Variants in LRMDA observed in about 807,000 individuals in gnomAD.
The protein encoded by LRMDA is leucine-rich melanocyte differentiation-associated protein.
Under a neutral mutation model 29.8 loss-of-function variants are expected in LRMDA, and 18 were observed. The observed-to-expected ratio is 0.60, with a 90% CI of 0.42 to 0.90. LRMDA has a LOEUF of 0.90. LRMDA is among the 40% of genes least tolerant of loss of function. The pLI is 0.00. For synonymous variants in LRMDA, 125 were observed against 109.4 expected, an observed-to-expected ratio of 1.14 and a Z score of -0.89; for missense variants, 273 against 273.9, an observed-to-expected ratio of 1.00 and a Z score of 0.02.
At chr10:76,045,324 T>C (rs1416372024) in intron 3 of LRMDA, among the ~76,000 whole-genome samples, 1 of 150,198 alleles carries the variant, frequency 6.7e-6, no homozygotes, top group African/African-American at 2.5e-5. Context: ...CTCTTGCTAG[T>C]TTCCCCCTCT....
chr10:75,618,382 C>CTCTATATA (rs1338091170), intron 2 of LRMDA, among the ~76,000 whole-genome samples: 21 of 77,036 alleles, frequency 2.7e-4, no homozygotes, highest in African/African-American at 7.1e-4. Flanking sequence ...CTCTCTCTCT[C>CTCTATATA]TATATATATA....
chr10:75,530,003 G>A (rs1845458498), intron 2 of LRMDA, among the ~76,000 whole-genome samples: 1 of 151,638 alleles, frequency 6.6e-6, no homozygotes, highest in South Asian at 2.1e-4. Flanking sequence ...GAGAAATGAG[G>A]GGGAAAGAAA....
At chr10:75,608,656 G>A (rs1376566814) in intron 2 of LRMDA, among the ~76,000 whole-genome samples, 2 of 151,932 alleles carry the variant, frequency 1.3e-5, no homozygotes, top group African/African-American at 2.4e-5. Context: ...GCCATACAAG[G>A]CCACAAGTTT....
At chr10:75,473,237 G>A (rs948043491) in intron 2 of LRMDA, among the ~76,000 whole-genome samples, 5 of 152,238 alleles carry the variant, frequency 3.3e-5, no homozygotes, top group Non-Finnish European at 7.3e-5. Context: ...ATACCAAAGT[G>A]GGGGGAAACC....
At chr10:76,301,484 T>A (rs1251874694) in intron 5 of LRMDA, among the ~76,000 whole-genome samples, 1 of 152,198 alleles carries the variant, frequency 6.6e-6, no homozygotes, top group East Asian at 1.9e-4. Flanking sequence ...TGCCCTTGGA[T>A]TGAGGCTAAA....
chr10:75,445,135 G>A (rs929252248), intron 2 of LRMDA, among the ~76,000 whole-genome samples: 24 of 152,192 alleles, frequency 1.6e-4, no homozygotes, highest in African/African-American at 5.8e-4. Flanking sequence ...GTAGAGGTGG[G>A]ATCTCCCTAT....
intron 2 of LRMDA, among the ~76,000 whole-genome samples, chr10:75,959,357 G>A (rs768797490): frequency 9.2e-5 from 14 of 152,124 alleles, no homozygotes; most frequent in African/African-American, 1.4e-4. Flanking sequence ...AGAAGCTAGG[G>A]ATGAATGTGT....
intron 2 of LRMDA, among the ~76,000 whole-genome samples, chr10:75,825,945 T>G (rs1256631418): frequency 6.6e-6 from 1 of 152,176 alleles, no homozygotes; most frequent in Non-Finnish European, 1.5e-5. Context: ...AACGTCAAAG[T>G]CAAGACAAAT....
intron 5 of LRMDA, among the ~76,000 whole-genome samples, chr10:76,176,808 A>G (rs1454855795): frequency 1.3e-5 from 2 of 152,234 alleles, no homozygotes; most frequent in African/African-American, 4.8e-5. Context: ...GAGAAAAATT[A>G]TAAATTGCCA....
At chr10:75,547,193 A>G (rs771523898) in intron 2 of LRMDA, among the ~76,000 whole-genome samples, 2 of 152,190 alleles carry the variant, frequency 1.3e-5, no homozygotes, top group Non-Finnish European at 2.9e-5. Flanking sequence ...GATTCTATTT[A>G]TTCATCAGTG....
At chr10:76,187,525 T>C (rs1217339605) in intron 5 of LRMDA, among the ~76,000 whole-genome samples, 1 of 152,204 alleles carries the variant, frequency 6.6e-6, no homozygotes, top group Non-Finnish European at 1.5e-5. Flanking sequence ...CAACCTATAA[T>C]CATTTTGAGC....
intron 2 of LRMDA, among the ~76,000 whole-genome samples, chr10:75,857,332 T>C (rs1175393575): frequency 7.9e-5 from 12 of 152,170 alleles, no homozygotes; most frequent in Non-Finnish European, 1.8e-4. Context: ...TGCAGGCAGT[T>C]CAGTCAGCAT....
chr10:76,476,464 CAG>C (rs1842672835), intron 6 of LRMDA, among the ~76,000 whole-genome samples: 1 of 152,130 alleles, frequency 6.6e-6, no homozygotes, highest in South Asian at 2.1e-4. Context: ...CGAATTCTAC[CAG>C]AGTTACAAGG....
intron 5 of LRMDA, among the ~76,000 whole-genome samples, chr10:76,316,711 C>G (rs1444070448): frequency 6.6e-6 from 1 of 152,194 alleles, no homozygotes; most frequent in Non-Finnish European, 1.5e-5. Flanking sequence ...ACCCACATTA[C>G]TTGGAGGTTA....
chr10:75,643,981 G>A (rs1589144277), intron 2 of LRMDA, among the ~76,000 whole-genome samples: 1 of 152,262 alleles, frequency 6.6e-6, no homozygotes, highest in East Asian at 1.9e-4. Flanking sequence ...ATAATTAGGT[G>A]GCATGTGAAT....
At chr10:75,994,674 G>A (rs993116158) in intron 2 of LRMDA, among the ~76,000 whole-genome samples, 2 of 152,146 alleles carry the variant, frequency 1.3e-5, no homozygotes, top group East Asian at 1.9e-4. Context: ...CCTCTTCAGG[G>A]CTGTTCTACC....
At chr10:76,463,441 C>G (rs2132310308) in intron 6 of LRMDA, among the ~76,000 whole-genome samples, 1 of 152,328 alleles carries the variant, frequency 6.6e-6, no homozygotes, top group South Asian at 2.1e-4. Flanking sequence ...GGGGCACTGG[C>G]TGCCCAAAGT....
intron 2 of LRMDA, among the ~76,000 whole-genome samples, chr10:75,461,274 A>C (rs1844580778): frequency 6.6e-6 from 1 of 152,208 alleles, no homozygotes. Context: ...GCAACTTAGC[A>C]AGGCCTATTT....
intron 2 of LRMDA, among the ~76,000 whole-genome samples, chr10:75,938,990 C>T (rs1846343093): frequency 6.6e-6 from 1 of 152,020 alleles, no homozygotes; most frequent in African/African-American, 2.4e-5. Flanking sequence ...GTTTCAATAG[C>T]ACCAATTACC....
Sources: gnomAD v4.1 joint callset for allele counts (sites outside exome capture counted in the v4.1 genomes callset) on GRCh38, gnomAD v4.1.1 for gene constraint, MANE v1.5 for transcripts, NCBI Gene and HGNC (gene_info 2026-07-23, HGNC 2026-07-21) for gene names.